The following FEZF2 variants were observed in gnomAD, a reference collection of about 807,000 sequenced individuals.
FEZF2 encodes FEZ family zinc finger 2.
In FEZF2, 2 loss-of-function variants were observed where a neutral mutation model predicts 32.8. The observed-to-expected ratio is 0.06, with a 90% CI of 0.02 to 0.19. The LOEUF (loss-of-function observed/expected upper bound fraction) is 0.19, where lower values mean the gene tolerates loss of function less well. Ranked by LOEUF, FEZF2 falls within the 10% of genes least tolerant of loss-of-function variation. The pLI is 1.00. For synonymous variants in FEZF2, 322 were observed against 284.8 expected (o/e 1.13, Z -1.32); for missense variants, 516 against 625.4 (o/e 0.83, Z 1.87).
At position 62,370,479 on chromosome 3, in the gene FEZF2, T is replaced by A; in HGVS notation, c.1121-137A>T. ...GCTAGGCGGGCGCGACCTCTTCGAG[T>A]GAAGAAGTTGTCAAACTTCGTAAGC... is the stretch of plus-strand genomic sequence containing the variant. On this transcript the variant is annotated intron_variant, in intron 4 of 4. Transcript: ENST00000283268. This position sits in a 1 kb window ranked among gnomAD's most constrained non-coding sequence, Gnocchi z 4.2. The A allele has an allele frequency of 1.2e-6, 1 of 847,142 alleles. No homozygotes were observed. The highest frequency in any genetic ancestry group is 1.9e-6 in the Non-Finnish European group (1 of 538,788). 52.5% of individuals were successfully genotyped at this position (847,142 alleles called of 1,614,324 possible). A position where few individuals can be genotyped will look rare whatever the true frequency, so the allele number is the denominator to read the frequency against.
At position 62,371,420 on chromosome 3, in the gene FEZF2, C is replaced by T. The variant is rs542196611; in HGVS notation, c.988-71G>A. 589 of 1,585,044 alleles carry T rather than the reference C, an allele frequency of 3.7e-4. 8 individuals carry two copies. In the South Asian group the frequency reaches 6.6e-3, roughly 18 times the overall value. The stretch of plus-strand genomic sequence containing the variant: ...ACACCTGGAAGGGACATCCCCCCCA[C>T]CCCCACTCAACCCTAGAGGGTAAGG... On this transcript the variant is annotated intron_variant, in intron 3 of 4. Transcript: ENST00000283268.
In FEZF2 at chr3:62,370,440, A is replaced by G. The variant is rs935556658; in HGVS notation, c.1121-98T>C. Reference sequence around the variant, plus strand: ...GGGGCAGCCCAGGTGCCTGCTCAAAAAAGGCGACGCTTGGCTAGGCGGGCG... The same window carrying G: ...GGGGCAGCCCAGGTGCCTGCTCAAAGAAGGCGACGCTTGGCTAGGCGGGCG... On this transcript the variant is annotated intron_variant, in intron 4 of 4. Transcript: ENST00000283268. This position sits in a 1 kb window ranked among gnomAD's most constrained non-coding sequence, Gnocchi z 4.2. 7.8e-5 allele frequency: 103 copies of G among 1,325,964 alleles called. No homozygotes were observed. The highest frequency in any genetic ancestry group is 1.0e-4 in the Non-Finnish European group (100 of 956,588). The allele number at this position is 1,325,964 out of a possible 1,614,324, so 82.1% of individuals were successfully genotyped here.
At chr3:62,371,985 C>A in intron 2 of FEZF2, 32 bp downstream of exon 2, 1 of 1,591,578 alleles carries the variant, frequency 6.3e-7, no homozygotes, top group Non-Finnish European at 8.5e-7. Flanking sequence ...GATCGCCCCT[C>A]CCGGCCCCCC....
At position 62,372,307 on chromosome 3, in the gene FEZF2, C is replaced by A. The variant is rs1704283573; in HGVS notation, c.562G>T (p.Gly188Cys). 6.2e-7 allele frequency: 1 copy of A among 1,607,512 alleles called. No homozygotes were observed. ...AGGAGGCCAGACGGGAAGAGGTGGC[C>A]GCTGAGGAGCTCAGACGGCGGGTAC... ...TAYPPSELLS[G>C]HLFPSGLLNA... The change falls in exon 2 of 5, where the codon GGC becomes TGC. Residue 188 changes from glycine (G) to cysteine (C), a missense_variant. Gly to Cys is a radical substitution (Grantham distance 159). Coordinates refer to ENST00000283268, the MANE Select transcript of FEZF2 (RefSeq NM_018008.4). This position sits in a 1 kb window ranked among gnomAD's most constrained non-coding sequence, Gnocchi z 9.6.
Position 62,369,848 on chromosome 3 carries a change from T to C in FEZF2, c.*235A>G, listed in dbSNP as rs1704244401. On this transcript the variant is annotated 3_prime_UTR_variant, in exon 5 of 5. Transcript: ENST00000283268. This position sits in a 1 kb window ranked among gnomAD's most constrained non-coding sequence, Gnocchi z 4.2. ...GGAGAAGCGGAGGCCTGGAATTAAA[T>C]ACGTTTCGGCGCACTGGATTTAAAT... 2 of 494,456 alleles carry C rather than the reference T, an allele frequency of 4.0e-6. No individual in the cohort carries two copies. Among genetic ancestry groups the C allele is most frequent in the Non-Finnish European group, 7.0e-6 (2 of 286,554 alleles). 30.6% of individuals were successfully genotyped at this position (494,456 alleles called of 1,614,324 possible). A position where few individuals can be genotyped will look rare whatever the true frequency, so the allele number is the denominator to read the frequency against.
Position 62,371,204 on chromosome 3 carries a change from C to T in FEZF2, c.1120+13G>A, listed in dbSNP as rs1168543849. 11 of 1,614,132 alleles carry T rather than the reference C, an allele frequency of 6.8e-6. No homozygotes were observed. In the African/African-American group the frequency reaches 1.3e-4, roughly 20 times the overall value. On this transcript the variant is annotated intron_variant, in intron 4 of 4. Coordinates refer to ENST00000283268, the MANE Select transcript of FEZF2 (RefSeq NM_018008.4). ...GGTGAGGTGAGAAGAGAAGGCCTCG[C>T]CTGGCACGTTACCTTTTTGGTGAAA...
At chr3:62,371,703 G>C in intron 2 of FEZF2, 36 bp from the exon 3 acceptor site, 1 of 1,583,392 alleles carries the variant, frequency 6.3e-7, no homozygotes, top group Non-Finnish European at 8.6e-7. Context: ...TGGTGCGTCT[G>C]TCCGAGGGCC....
rs991659421 is a variant in FEZF2, at chr3:62,373,485, G to C, written c.-265C>G. 3 of 152,274 alleles carry C rather than the reference G, an allele frequency of 2.0e-5. No individual in the cohort carries two copies. Among genetic ancestry groups the C allele is most frequent in the Non-Finnish European group, 4.4e-5 (3 of 68,024 alleles). 9.4% of individuals were successfully genotyped at this position (152,274 alleles called of 1,614,324 possible). A position where few individuals can be genotyped will look rare whatever the true frequency, so the allele number is the denominator to read the frequency against. On this transcript the variant is annotated 5_prime_UTR_variant, in exon 1 of 5. Transcript: ENST00000283268. The surrounding 1 kb of genome is among the most constrained non-coding windows in gnomAD (Gnocchi z 5.5). The stretch of plus-strand genomic sequence containing the variant: ...CTGTGTTCCCCCGCGCCTGCCGGCC[G>C]CCGCCACCACCGCCCCTCAAACTTT...
chr3:62,371,187 G>A, intron 4 of FEZF2, 30 bp downstream of exon 4: 2 of 1,614,090 alleles, frequency 1.2e-6, no homozygotes, highest in Non-Finnish European at 1.7e-6. Context: ...GAGGTGAGGT[G>A]AGAAGAGAAG....
Position 62,373,034 on chromosome 3 carries a change from C to A in FEZF2, c.-58-108G>T. On this transcript the variant is annotated intron_variant, in intron 1 of 4. Coordinates refer to ENST00000283268, the MANE Select transcript of FEZF2 (RefSeq NM_018008.4). The surrounding 1 kb of genome is among the most constrained non-coding windows in gnomAD (Gnocchi z 5.5). ...GAACAGGGGCAAAACAAAGTGCACCCAAGGGTACCAAATTACCGCCCATTA... is the reference window on the plus strand; with the variant it reads ...GAACAGGGGCAAAACAAAGTGCACCAAAGGGTACCAAATTACCGCCCATTA... The A allele has an allele frequency of 1.7e-6, 1 of 583,456 alleles. No homozygotes were observed. Among genetic ancestry groups the A allele is most frequent in the Non-Finnish European group, 2.5e-6 (1 of 393,726 alleles). 36.1% of individuals were successfully genotyped at this position (583,456 alleles called of 1,614,324 possible). A position where few individuals can be genotyped will look rare whatever the true frequency, so the allele number is the denominator to read the frequency against.
chr3:62,371,224 G>T lies in FEZF2; in HGVS notation c.1113C>A (p.His371Gln). 1 of 1,614,280 alleles carries T rather than the reference G, an allele frequency of 6.2e-7. No homozygotes were observed. The highest frequency in any genetic ancestry group is 8.5e-7 in the Non-Finnish European group (1 of 1,180,052). Reference sequence around the variant, plus strand: ...CCTCGCCTGGCACGTTACCTTTTTGGTGAAAGCCTTTGCCGCAAAATTCGC... The same window carrying T: ...CCTCGCCTGGCACGTTACCTTTTTGTTGAAAGCCTTTGCCGCAAAATTCGC... ...FVCEFCGKGF[H>Q]QKGNYKNHKL... Residue 371 changes from histidine to glutamine, a missense_variant, in exon 4 of 5, where the codon CAC becomes CAA. His to Gln is a conservative substitution (Grantham distance 24). Transcript: ENST00000283268.
Position 62,373,052 on chromosome 3 carries a change from G to T in FEZF2, c.-58-126C>A, listed in dbSNP as rs566957614. ...GTGCACCCAAGGGTACCAAATTACC[G>T]CCCATTAACCCGGCGCGCAAAGGAA... On this transcript the variant is annotated intron_variant, in intron 1 of 4. Transcript: ENST00000283268. The surrounding 1 kb of genome is among the most constrained non-coding windows in gnomAD (Gnocchi z 5.5). 1.7e-5 allele frequency: 7 copies of T among 413,908 alleles called. No individual in the cohort carries two copies. In the Admixed American group the frequency reaches 2.9e-4, roughly 17 times the overall value. 25.6% of individuals were successfully genotyped at this position (413,908 alleles called of 1,614,324 possible).
intron 3 of FEZF2, 59 bp downstream of exon 3, chr3:62,371,474 G>A (rs1704268166): frequency 6.3e-7 from 1 of 1,581,982 alleles, no homozygotes; most frequent in South Asian, 1.2e-5. Flanking sequence ...TATCCCCGGT[G>A]TTATCACTAA....
Position 62,372,829 on chromosome 3 carries a change from C to G in FEZF2, c.40G>C (p.Ala14Pro), listed in dbSNP as rs1430312734. The G allele has an allele frequency of 6.6e-7, 1 of 1,510,208 alleles. No individual in the cohort carries two copies. The highest frequency in any genetic ancestry group is 8.9e-7 in the Non-Finnish European group (1 of 1,122,944). The allele number at this position is 1,510,208 out of a possible 1,614,324, so 93.6% of individuals were successfully genotyped here. A position where few individuals can be genotyped will look rare whatever the true frequency, so the allele number is the denominator to read the frequency against. Residue 14 changes from alanine to proline, a missense_variant, in exon 2 of 5, where the codon GCC (alanine) becomes CCC (proline). Transcript: ENST00000283268. The surrounding 1 kb of genome is among the most constrained non-coding windows in gnomAD (Gnocchi z 9.6). ...GGCGACGCTCCGGCGCGCGGGCAGG[C>G]CGGGGGCACCATGGTCTCCAGGGAA... ...SASLETMVPPACPRAGASPAT... is the reference protein window; with the variant it reads ...SASLETMVPPPCPRAGASPAT...
At chr3:62,371,027 A>C (rs1238887719) in intron 4 of FEZF2, among the ~76,000 whole-genome samples, 190 bp downstream of exon 4, 1 of 152,114 alleles carries the variant, frequency 6.6e-6, no homozygotes, top group Non-Finnish European at 1.5e-5. Flanking sequence ...GCCTGCATAC[A>C]GCGTGGTCTA....
rs773543666 is a variant in FEZF2 at position 62,372,075 on chromosome 3, A to G, written c.794T>C (p.Leu265Pro). Reference protein sequence around the residue: ...ERGGVKGHSKLPGGSADGKPK... With the variant: ...ERGGVKGHSKPPGGSADGKPK... ...CTTGCCATCTGCGGAGCCTCCTGGC[A>G]GCTTGCTGTGGCCCTTGACGCCTCC... Residue 265 changes from leucine to proline, a missense_variant, in exon 2 of 5, where the codon CTG (leucine) becomes CCG (proline). This residue lies in a region of FEZF2 where 408 missense variants were observed against 382.2 expected (regional missense o/e 1.07). Transcript: ENST00000283268. The surrounding 1 kb of genome is among the most constrained non-coding windows in gnomAD (Gnocchi z 9.6). 2 of 1,609,430 alleles carry G rather than the reference A, an allele frequency of 1.2e-6. No homozygotes were observed. Among genetic ancestry groups the G allele is most frequent in the Non-Finnish European group, 1.7e-6 (2 of 1,178,830 alleles).
At position 62,370,576 on chromosome 3, in the gene FEZF2, C is replaced by A. The variant is rs977134576; in HGVS notation, c.1121-234G>T. On this transcript the variant is annotated intron_variant, in intron 4 of 4. Coordinates refer to ENST00000283268, the MANE Select transcript of FEZF2 (RefSeq NM_018008.4). This position sits in a 1 kb window ranked among gnomAD's most constrained non-coding sequence, Gnocchi z 4.2. ...AGCCGCTCTGCGCTCCTGCTCTGCC[C>A]GCCACAGAGGCTGGTGCAGCTTCCC... 1.3e-5 allele frequency among the ~76,000 whole-genome samples: 2 copies of A among 152,194 alleles called. No homozygotes were observed. Among genetic ancestry groups the A allele is most frequent in the African/African-American group, 4.8e-5 (2 of 41,462 alleles).
In FEZF2 at chr3:62,370,464, C is replaced by G. The variant is rs572154002; in HGVS notation, c.1121-122G>C. ...AAAAGGCGACGCTTGGCTAGGCGGGCGCGACCTCTTCGAGTGAAGAAGTTG... is the reference window on the plus strand; with the variant it reads ...AAAAGGCGACGCTTGGCTAGGCGGGGGCGACCTCTTCGAGTGAAGAAGTTG... On this transcript the variant is annotated intron_variant, in intron 4 of 4. Coordinates refer to ENST00000283268, the MANE Select transcript of FEZF2 (RefSeq NM_018008.4). The surrounding 1 kb of genome is among the most constrained non-coding windows in gnomAD (Gnocchi z 4.2). 2.9e-6 allele frequency: 3 copies of G among 1,025,132 alleles called. No homozygotes were observed. Among genetic ancestry groups the G allele is most frequent in the Non-Finnish European group, 4.3e-6 (3 of 692,790 alleles). The allele number at this position is 1,025,132 out of a possible 1,614,324, so 63.5% of individuals were successfully genotyped here.
chr3:62,373,115 GAAGGGGGAGGGTTTACAAAAGAA>G lies in FEZF2; in HGVS notation c.-59+141_-59+163del. ...TGCCCTGGGACTTTGAAAGGGGGAA[GAAGGGGGAGGGTTTACAAAAGAA>G]AAGGGGGGGGGCGGTGAGAAAAGAG... On this transcript the variant is annotated intron_variant, in intron 1 of 4. Transcript: ENST00000283268. The surrounding 1 kb of genome is among the most constrained non-coding windows in gnomAD (Gnocchi z 5.5). 1 of 268,012 alleles carries G rather than the reference GAAGGGGGAGGGTTTACAAAAGAA, an allele frequency of 3.7e-6. No individual in the cohort carries two copies. The highest frequency in any genetic ancestry group is 7.0e-6 in the Non-Finnish European group (1 of 143,692). 16.6% of individuals were successfully genotyped at this position (268,012 alleles called of 1,614,324 possible).
Sources: allele counts gnomAD v4.1 joint callset (sites outside exome capture counted in the v4.1 genomes callset), GRCh38; gene constraint gnomAD v4.1.1; regional missense constraint gnomAD v4.1.1; non-coding constraint Gnocchi (gnomAD v3.1); transcripts MANE v1.5; gene names NCBI Gene and HGNC (gene_info 2026-07-23, HGNC 2026-07-21).